The following CHI3L2 variants were observed in gnomAD, a reference collection of about 807,000 sequenced individuals.
CHI3L2 encodes chitinase 3 like 2, also known as chitinase-3-like protein 2.
CHI3L2 carries 47 observed loss-of-function variants against 47.3 expected under a neutral mutation model. That is an observed-to-expected ratio of 0.99 (90% CI 0.79 to 1.27). CHI3L2 has a LOEUF of 1.27. Among genes scored for constraint, CHI3L2 ranks in the 50% most tolerant of loss-of-function variants. CHI3L2 has a pLI of 0.00. For missense variants in CHI3L2, 497 were observed against 462.1 expected (o/e 1.08, Z -0.69); for synonymous variants, 198 against 169.9 (o/e 1.17, Z -1.28).
At position 111,229,866 on chromosome 1, in the gene CHI3L2, C is replaced by CAGG; in HGVS notation, c.55_56insAGG (p.Leu19delinsGlnVal). The CAGG allele has an allele frequency of 6.2e-6, 10 of 1,613,820 alleles. No individual in the cohort carries two copies. The highest frequency in any genetic ancestry group is 7.6e-6 in the Non-Finnish European group (9 of 1,179,866). On this transcript the variant is annotated protein_altering_variant, in exon 2 of 11. Transcript: ENST00000369748. ...ATCTATTGCAGGTGTAGTGGTCTTG[C>CAGG]TGCTTCTCCAGGGAGGTAAGTAGTC...
In CHI3L2 at chr1:111,230,743, A is replaced by T. The variant is rs1208354152; in HGVS notation, c.72A>T (p.Gly24=). Residue 24 remains glycine, a splice_region_variant and synonymous_variant, in exon 3 of 11, where the codon GGA becomes GGT. Coordinates refer to ENST00000369748, the MANE Select transcript of CHI3L2 (RefSeq NM_004000.3). ...GVVVLLLLQG[G]SAYKLVCYFT... ...CTGGCTCTCTTCACTCTACTCCAGG[A>T]TCTGCCTACAAACTGGTTTGCTACT... The T allele has an allele frequency of 3.1e-6, 5 of 1,614,080 alleles. No homozygotes were observed. In the South Asian group the frequency reaches 4.4e-5, roughly 14 times the overall value.
At chr1:111,231,077 A>G (rs981265728) in intron 3 of CHI3L2, 134 bp downstream of exon 3, 1 of 968,308 alleles carries the variant, frequency 1.0e-6, no homozygotes, top group Non-Finnish European at 1.6e-6. Flanking sequence ...TTCTGATCCT[A>G]ACTGTTCTCA....
intron 7 of CHI3L2, among the ~76,000 whole-genome samples, chr1:111,237,757 C>A (rs1185714058): frequency 6.6e-6 from 1 of 152,182 alleles, no homozygotes; most frequent in Admixed American, 6.5e-5. Context: ...CAAATCCTTC[C>A]TCTTGGCCAA....
intron 9 of CHI3L2, among the ~76,000 whole-genome samples, chr1:111,241,753 G>C (rs1320006185): frequency 1.3e-5 from 2 of 152,188 alleles, no homozygotes; most frequent in African/African-American, 2.4e-5. Context: ...GTTGGTGCCT[G>C]TATAGATAAT....
At chr1:111,237,325 A>G (rs900482929) in intron 7 of CHI3L2, among the ~76,000 whole-genome samples, 1 of 152,240 alleles carries the variant, frequency 6.6e-6, no homozygotes, top group African/African-American at 2.4e-5. Flanking sequence ...GAACAAGGAC[A>G]GCTTGGAGGT....
chr1:111,238,711 T>C, intron 7 of CHI3L2, 39 bp from the exon 8 acceptor site: 2 of 1,604,630 alleles, frequency 1.2e-6, no homozygotes. Flanking sequence ...CACCTTTCTT[T>C]CCCCACACTC....
intron 6 of CHI3L2, 39 bp from the exon 7 acceptor site, chr1:111,235,985 C>T (rs372597180): frequency 2.5e-6 from 4 of 1,610,432 alleles, no homozygotes; most frequent in African/African-American, 2.7e-5. Flanking sequence ...TCTACCACTG[C>T]TCGTCACAAA....
At chr1:111,238,481 C>T (rs1487235434) in intron 7 of CHI3L2, among the ~76,000 whole-genome samples, 1 of 152,186 alleles carries the variant, frequency 6.6e-6, no homozygotes, top group Non-Finnish European at 1.5e-5. Flanking sequence ...ACCTTGATTT[C>T]ATGTTTTCTA....
At chr1:111,230,669 G>A in intron 2 of CHI3L2, 73 bp from the exon 3 acceptor site, 3 of 1,267,498 alleles carry the variant, frequency 2.4e-6, no homozygotes, top group Non-Finnish European at 3.4e-6. Flanking sequence ...CTGTCTTGGG[G>A]AGAAAATTGT....
intron 3 of CHI3L2, 136 bp from the exon 4 acceptor site, chr1:111,231,102 C>T: frequency 1.1e-6 from 1 of 939,976 alleles, no homozygotes; most frequent in South Asian, 1.4e-5. Context: ...TGCTTCATCC[C>T]TTCACTGAAC....
At position 111,235,575 on chromosome 1, in the gene CHI3L2, C is replaced by G. The variant is rs181849376; in HGVS notation, c.481-64C>G. ...TTCTAGAAACCTCATAGATTCCAGG[C>G]AAGAAGCTTAGCACTGTACTCTGGG... is the stretch of plus-strand genomic sequence containing the variant. On this transcript the variant is annotated intron_variant, in intron 5 of 10. Transcript: ENST00000369748. 222 of 1,535,608 alleles carry G rather than the reference C, an allele frequency of 1.4e-4. No individual in the cohort carries two copies. The African/African-American group carries it at 2.9e-3, about 20-fold the overall frequency.
intron 7 of CHI3L2, 45 bp from the exon 8 acceptor site, chr1:111,238,705 T>G (rs760885803): frequency 6.2e-7 from 1 of 1,601,436 alleles, no homozygotes; most frequent in Non-Finnish European, 8.5e-7. Context: ...GTCTGACACC[T>G]TTCTTTCCCC....
At chr1:111,231,129 C>T (rs1571223505) in intron 3 of CHI3L2, 109 bp from the exon 4 acceptor site, 5 of 1,068,658 alleles carry the variant, frequency 4.7e-6, no homozygotes, top group Middle Eastern at 4.0e-4. Flanking sequence ...TTAGTTCAAA[C>T]AGCCAGGCCC....
chr1:111,238,864 G>A lies in CHI3L2; in HGVS notation c.850G>A (p.Ala284Thr), dbSNP rs751568385. 6.2e-7 allele frequency: 1 copy of A among 1,612,974 alleles called. No homozygotes were observed. Among genetic ancestry groups the A allele is most frequent in the Non-Finnish European group, 8.5e-7 (1 of 1,179,642 alleles). Residue 284 changes from alanine (A) to threonine (T), a missense_variant, in exon 8 of 11, where the codon GCC becomes ACC. Coordinates refer to ENST00000369748, the MANE Select transcript of CHI3L2 (RefSeq NM_004000.3). ...GGCCTCTGCAGAAACCACCGTGGGGGCCCCTGCCTCTGGCCCTGGAGCTGC... is the reference window on the plus strand; with the variant it reads ...GGCCTCTGCAGAAACCACCGTGGGGACCCCTGCCTCTGGCCCTGGAGCTGC... ...TLASAETTVG[A>T]PASGPGAAGP...
At chr1:111,232,769 T>A (rs1659762592) in intron 4 of CHI3L2, among the ~76,000 whole-genome samples, 3 of 152,330 alleles carry the variant, frequency 2.0e-5, no homozygotes. Flanking sequence ...ATTAGTAAAT[T>A]TCTATTGAAT....
At chr1:111,230,631 C>T in intron 2 of CHI3L2, 111 bp from the exon 3 acceptor site, 1 of 869,462 alleles carries the variant, frequency 1.2e-6, no homozygotes, top group Non-Finnish European at 1.8e-6. Context: ...CTCAGAGGCT[C>T]TGGCAGAATG....
rs780130524 is a variant in CHI3L2, at chr1:111,241,346, G to A, written c.938G>A (p.Gly313Glu). The A allele has an allele frequency of 3.8e-6, 6 of 1,591,718 alleles. No homozygotes were observed. The highest frequency in any genetic ancestry group is 1.1e-5 in the South Asian group (1 of 90,700). The change falls in exon 9 of 11, where the codon GGA becomes GAA. Residue 313 changes from glycine (G) to glutamate (E), a missense_variant. Transcript: ENST00000369748. ...TGCCAGATCTGCCAGTTCCTGAAAGGAGCCAAGATCACGCGGCTCCAGGAT... is the reference window on the plus strand; with the variant it reads ...TGCCAGATCTGCCAGTTCCTGAAAGAAGCCAAGATCACGCGGCTCCAGGAT... Reference protein sequence around the residue: ...AYYEICQFLKGAKITRLQDQQ... With the variant: ...AYYEICQFLKEAKITRLQDQQ...
chr1:111,227,819 G>C (rs758930517), intron 1 of CHI3L2, 50 bp downstream of exon 1: 2 of 1,535,196 alleles, frequency 1.3e-6, no homozygotes, highest in Non-Finnish European at 1.8e-6. Context: ...GGAAGGAAGA[G>C]GTAACAGGTC....
rs760098034 is a variant in CHI3L2, at chr1:111,234,914, C to A, written c.337C>A (p.Pro113Thr). ...CGTATTGCTTCTTTCCAGGTTCCAC[C>A]CTATGGTGGATTCTTCTACATCACG... ...GYLFGSKGFHPMVDSSTSRLE... is the reference protein window; with the variant it reads ...GYLFGSKGFHTMVDSSTSRLE... The change falls in exon 5 of 11, where the codon CCT becomes ACT. Residue 113 changes from proline (P) to threonine (T), a missense_variant. By Grantham distance (38) the Pro-to-Thr change is conservative. Coordinates refer to ENST00000369748, the MANE Select transcript of CHI3L2 (RefSeq NM_004000.3). 2 of 1,614,028 alleles carry A rather than the reference C, an allele frequency of 1.2e-6. No individual in the cohort carries two copies. Among genetic ancestry groups the A allele is most frequent in the South Asian group, 1.1e-5 (1 of 91,054 alleles).
Sources: gnomAD v4.1 joint callset for allele counts (sites outside exome capture counted in the v4.1 genomes callset) on GRCh38, gnomAD v4.1.1 for gene constraint, MANE v1.5 for transcripts, NCBI Gene and HGNC (gene_info 2026-07-23, HGNC 2026-07-21) for gene names.